Variants in SYNJ2 observed in about 807,000 individuals in gnomAD.
The protein encoded by SYNJ2 is synaptojanin 2, also known as polyphosphatidylinositol phosphatase SYNJ2.
SYNJ2 carries 116 observed loss-of-function variants against 141.3 expected under a neutral mutation model. That is an observed-to-expected ratio of 0.82 (90% CI 0.71 to 0.96). The LOEUF (loss-of-function observed/expected upper bound fraction) is 0.96. SYNJ2 is among the 40% of genes least tolerant of loss of function. SYNJ2 has a pLI of 0.00. For synonymous variants in SYNJ2, 745 were observed against 777.7 expected (o/e 0.96, Z 0.70); for missense variants, 1,873 against 1,934.8 (o/e 0.97, Z 0.60).
intron 5 of SYNJ2, among the ~76,000 whole-genome samples, chr6:158,047,180 G>A (rs1330369067): frequency 1.3e-5 from 2 of 152,148 alleles, no homozygotes; most frequent in Non-Finnish European, 2.9e-5. Context: ...GGCAAGAGTC[G>A]AATTGGTGCC....
intron 2 of SYNJ2, 41 bp downstream of exon 2, chr6:158,017,331 C>A: frequency 6.3e-7 from 1 of 1,580,426 alleles, no homozygotes; most frequent in Non-Finnish European, 8.6e-7. Flanking sequence ...CCAGGCTCCC[C>A]GGTGGGCAGG....
At chr6:158,018,513 G>C (rs570580680) in intron 2 of SYNJ2, among the ~76,000 whole-genome samples, 1 of 152,318 alleles carries the variant, frequency 6.6e-6, no homozygotes, top group Non-Finnish European at 1.5e-5. Flanking sequence ...GATGTTTAAA[G>C]CTGCCAGAAA....
intron 9 of SYNJ2, among the ~76,000 whole-genome samples, 156 bp from the exon 10 acceptor site, chr6:158,064,445 A>C (rs1781430595): frequency 6.6e-6 from 1 of 151,952 alleles, no homozygotes; most frequent in Non-Finnish European, 1.5e-5. Context: ...GTGGGAAGTC[A>C]CTCTCTGCTG....
At chr6:158,039,934 G>A (rs1779850176) in intron 4 of SYNJ2, among the ~76,000 whole-genome samples, 1 of 152,194 alleles carries the variant, frequency 6.6e-6, no homozygotes, top group African/African-American at 2.4e-5. Context: ...TGGAAGTGGA[G>A]CGTGCACACA....
In SYNJ2 at chr6:158,088,033, AATTTTT is replaced by A. The variant is rs1783182905; in HGVS notation, c.3344-626_3344-621del. On this transcript the variant is annotated intron_variant, in intron 23 of 26. Transcript: ENST00000355585. ...TTAACAGTTTATTCCCCTGCTTTGG[AATTTTT>A]TTTTTTTTTTTTTTTTTTTTTTTTT... Among the ~76,000 whole-genome samples the A allele has an allele frequency of 2.8e-3, 104 of 36,858 alleles. 7 individuals carry two copies. Among genetic ancestry groups the A allele is most frequent in the African/African-American group, 7.8e-3 (86 of 11,022 alleles). The allele number at this position is 36,858 out of a possible 152,430, so 24.2% of individuals were successfully genotyped here.
At chr6:158,032,721 G>A (rs1033565626) in intron 3 of SYNJ2, among the ~76,000 whole-genome samples, 8 of 152,170 alleles carry the variant, frequency 5.3e-5, no homozygotes, top group Non-Finnish European at 2.9e-5. Context: ...TTCACATAGG[G>A]TCACTTCAAG....
chr6:158,088,820 A>G (rs1783251126), intron 24 of SYNJ2, 48 bp downstream of exon 24: 1 of 1,314,144 alleles, frequency 7.6e-7, no homozygotes, highest in Admixed American at 1.7e-5. Context: ...TGCCCCCGGG[A>G]TAGTGTGGGA....
At chr6:158,005,792 C>T (rs1044090968) in intron 1 of SYNJ2, among the ~76,000 whole-genome samples, 1 of 152,094 alleles carries the variant, frequency 6.6e-6, no homozygotes, top group African/African-American at 2.4e-5. Context: ...CAGCTGATGG[C>T]CTCGTCCTCT....
At chr6:157,988,210 C>T (rs1562307307) in intron 1 of SYNJ2, among the ~76,000 whole-genome samples, 1 of 152,236 alleles carries the variant, frequency 6.6e-6, no homozygotes, top group Non-Finnish European at 1.5e-5. Context: ...GAACGGGACA[C>T]ACACTAGCTG....
chr6:157,988,254 AG>A (rs1777282134), intron 1 of SYNJ2, among the ~76,000 whole-genome samples: 1 of 152,174 alleles, frequency 6.6e-6, no homozygotes, highest in Non-Finnish European at 1.5e-5. Context: ...GGCTCCCTGC[AG>A]GGGGGCATGA....
intron 1 of SYNJ2, chr6:158,016,988 C>A: frequency 3.2e-6 from 4 of 1,253,478 alleles, no homozygotes; most frequent in Non-Finnish European, 4.0e-6. Context: ...GTCAGCACTT[C>A]CAGAGAGCAA....
chr6:158,066,987 C>T (rs914827028), intron 12 of SYNJ2, among the ~76,000 whole-genome samples: 1 of 151,972 alleles, frequency 6.6e-6, no homozygotes, highest in Admixed American at 6.6e-5. Flanking sequence ...AGCCTGTCTT[C>T]GGTGTTTTGT....
At position 158,069,638 on chromosome 6, in the gene SYNJ2, T is replaced by C. The variant is rs1302875103; in HGVS notation, c.1905T>C (p.Tyr635=). 6.2e-7 allele frequency: 1 copy of C among 1,614,076 alleles called. No individual in the cohort carries two copies. Among genetic ancestry groups the C allele is most frequent in the South Asian group, 1.1e-5 (1 of 91,064 alleles). The part of the protein sequence containing the change: ...TSAQLVGVCL[Y]IFVRPYHVPF... ...CACAGCTGGTGGGCGTCTGTCTTTA[T>C]ATCTTTGTACGTCCATACCATGTCC... Residue 635 remains tyrosine (Y), a synonymous_variant, in exon 14 of 27, where the codon TAT becomes TAC. Transcript: ENST00000355585.
At chr6:157,986,154 A>C (rs1417797800) in intron 1 of SYNJ2, among the ~76,000 whole-genome samples, 1 of 152,152 alleles carries the variant, frequency 6.6e-6, no homozygotes, top group African/African-American at 2.4e-5. Flanking sequence ...CTCCTGGACA[A>C]AGTTGAAACC....
At chr6:158,087,509 C>A (rs1259965276) in intron 23 of SYNJ2, among the ~76,000 whole-genome samples, 1 of 152,172 alleles carries the variant, frequency 6.6e-6, no homozygotes, top group African/African-American at 2.4e-5. Flanking sequence ...CAATGCTTTG[C>A]CCGTCCAGCC....
intron 4 of SYNJ2, among the ~76,000 whole-genome samples, 161 bp downstream of exon 4, chr6:158,033,841 C>T (rs1349747057): frequency 6.6e-6 from 1 of 152,216 alleles, no homozygotes; most frequent in African/African-American, 2.4e-5. Context: ...AATTGGGCTC[C>T]ACATGAAAAT....
intron 1 of SYNJ2, among the ~76,000 whole-genome samples, chr6:158,003,153 G>A (rs1245574836): frequency 6.6e-6 from 1 of 152,188 alleles, no homozygotes; most frequent in Non-Finnish European, 1.5e-5. Flanking sequence ...GTTGGTGGGA[G>A]GTAGTGCATT....
At position 158,028,767 on chromosome 6, in the gene SYNJ2, C is replaced by G. The variant is rs1779197290; in HGVS notation, c.226C>G (p.Leu76Val). ...GATTTCCTTTCCAGGTGGCACGTCT[C>G]TGAGCTTCCTGGTGTTGGTGACAGG... is the stretch of plus-strand genomic sequence containing the variant. ...ELRLKSGGTS[L>V]SFLVLVTGCT... is the part of the protein sequence containing the mutation. Residue 76 changes from leucine to valine, a missense_variant, in exon 3 of 27, where the codon CTG (leucine) becomes GTG (valine). Leu to Val is a conservative substitution (Grantham distance 32). Coordinates refer to ENST00000355585, the MANE Select transcript of SYNJ2 (RefSeq NM_003898.4). The G allele has an allele frequency of 8.1e-6, 13 of 1,614,090 alleles. No homozygotes were observed. The highest frequency in any genetic ancestry group is 1.0e-5 in the Non-Finnish European group (12 of 1,179,950).
intron 5 of SYNJ2, among the ~76,000 whole-genome samples, chr6:158,048,804 G>A (rs958383045): frequency 1.3e-5 from 2 of 152,080 alleles, no homozygotes; most frequent in East Asian, 1.9e-4. Flanking sequence ...TTCAACCTAC[G>A]GCTCCACATC....
Sources: allele counts gnomAD v4.1 joint callset (sites outside exome capture counted in the v4.1 genomes callset), GRCh38; gene constraint gnomAD v4.1.1; transcripts MANE v1.5; gene names NCBI Gene and HGNC (gene_info 2026-07-23, HGNC 2026-07-21).